PHF21A: variants seen among roughly 807,000 people sequenced by gnomAD.
PHF21A encodes the protein BHC80a.
Under a neutral mutation model 82.5 loss-of-function variants are expected in PHF21A, and 11 were observed. That is an observed-to-expected ratio of 0.13 (90% confidence interval 0.08 to 0.22). The LOEUF is 0.22. Ranked by LOEUF, PHF21A falls within the 10% of genes least tolerant of loss-of-function variation. PHF21A has a pLI of 1.00. For missense variants in PHF21A, 579 were observed against 837.8 expected, an observed-to-expected ratio of 0.69 and a Z score of 3.81; for synonymous variants, 297 against 302.8, an observed-to-expected ratio of 0.98 and a Z score of 0.20.
chr11:45,985,806 G>A (rs1381917107), intron 6 of PHF21A, among the ~76,000 whole-genome samples: 1 of 151,982 alleles, frequency 6.6e-6, no homozygotes, highest in Non-Finnish European at 1.5e-5. Flanking sequence ...ACAGTGAACT[G>A]GACACAATGT....
intron 9 of PHF21A, among the ~76,000 whole-genome samples, chr11:45,967,620 C>T (rs1183218407): frequency 6.6e-6 from 1 of 152,204 alleles, no homozygotes; most frequent in Non-Finnish European, 1.5e-5. Context: ...TATCCTTGGA[C>T]AGCTGTAGGG....
chr11:46,022,175 G>A (rs1023325538), intron 6 of PHF21A, among the ~76,000 whole-genome samples: 49 of 152,256 alleles, frequency 3.2e-4, no homozygotes, highest in African/African-American at 1.2e-3. Flanking sequence ...GACAGGAGCT[G>A]GTTGTGGTGG....
chr11:46,010,734 T>C (rs563814506), intron 6 of PHF21A, among the ~76,000 whole-genome samples: 1 of 152,300 alleles, frequency 6.6e-6, no homozygotes, highest in South Asian at 2.1e-4. Flanking sequence ...GAAAAAGATA[T>C]ATGTATTTCT....
chr11:45,950,356 G>A (rs1489936958), intron 11 of PHF21A, 99 bp from the exon 12 acceptor site: 5 of 936,112 alleles, frequency 5.3e-6, no homozygotes, highest in Non-Finnish European at 8.4e-6. Context: ...CAGCCCAATG[G>A]GCGGGTCTCA....
intron 10 of PHF21A, among the ~76,000 whole-genome samples, chr11:45,955,309 C>T (rs2092550565): frequency 6.8e-6 from 1 of 146,524 alleles, no homozygotes; most frequent in Non-Finnish European, 1.5e-5. Context: ...CACACACACA[C>T]TTTTTAATCA....
chr11:45,994,491 C>T (rs990466423), intron 6 of PHF21A, among the ~76,000 whole-genome samples: 3 of 152,188 alleles, frequency 2.0e-5, no homozygotes, highest in African/African-American at 4.8e-5. Flanking sequence ...CCCTCCTCCA[C>T]GTATCAGGCA....
At chr11:46,117,392 T>C (rs113121420) in intron 1 of PHF21A, 97 of 152,346 alleles carry the variant, frequency 6.4e-4, no homozygotes, top group African/African-American at 2.0e-3. Context: ...TATTCATCTT[T>C]ATGCAGTTAC....
intron 6 of PHF21A, among the ~76,000 whole-genome samples, chr11:46,025,825 G>GATATGTGATGGAGCAAGT (rs1466781519): frequency 6.6e-6 from 1 of 152,198 alleles, no homozygotes; most frequent in Non-Finnish European, 1.5e-5. Flanking sequence ...GTCATCGGCA[G>GATATGTGATGGAGCAAGT]ATATGTGATG....
intron 6 of PHF21A, among the ~76,000 whole-genome samples, chr11:46,036,706 G>A (rs971763879): frequency 2.6e-5 from 4 of 152,088 alleles, no homozygotes; most frequent in African/African-American, 7.2e-5. Flanking sequence ...ACAGAGTACT[G>A]CTGACATAAA....
At chr11:46,069,484 T>A (rs948854339) in intron 6 of PHF21A, among the ~76,000 whole-genome samples, 127 of 152,274 alleles carry the variant, frequency 8.3e-4, no homozygotes, top group Middle Eastern at 3.4e-3. Context: ...AGGGTAACAT[T>A]TTACAGTAAC....
Position 45,971,300 on chromosome 11 carries a change from G to C in PHF21A, c.428C>G (p.Ala143Gly). ...GCCCACCACAGAGGCAGGCATGGTC[G>C]CAGTTGCTGCTTTCAAGACGAGAGG... ...TLPLVLKAATATMPASVVGQR... is the reference protein window; with the variant it reads ...TLPLVLKAATGTMPASVVGQR... Residue 143 changes from alanine (A) to glycine (G), a missense_variant, in exon 8 of 19, where the codon GCG becomes GGG. Around this residue, in one of 3 missense-constraint regions of PHF21A, gnomAD observed 410 missense variants for 642.1 expected, o/e 0.64. Transcript: ENST00000676320. 6.2e-7 allele frequency: 1 copy of C among 1,614,134 alleles called. No individual in the cohort carries two copies. The highest frequency in any genetic ancestry group is 8.5e-7 in the Non-Finnish European group (1 of 1,179,994).
At chr11:46,042,266 C>A (rs11827732) in intron 6 of PHF21A, among the ~76,000 whole-genome samples, 1 of 151,996 alleles carries the variant, frequency 6.6e-6, no homozygotes, top group East Asian at 1.9e-4. Context: ...CATATTTTTA[C>A]GAATACTTGA....
chr11:45,965,405 G>A lies in PHF21A; in HGVS notation c.906C>T (p.Ala302=), dbSNP rs749613839. 2 of 1,614,122 alleles carry A rather than the reference G, an allele frequency of 1.2e-6. No individual in the cohort carries two copies. The highest frequency in any genetic ancestry group is 3.3e-5 in the Admixed American group (2 of 60,024). Residue 302 remains alanine (A), a synonymous_variant, in exon 10 of 19, where the codon GCC becomes GCT. Coordinates refer to ENST00000676320, the MANE Select transcript of PHF21A (RefSeq NM_001352027.3). ...TAGCTATCACAATGCTGGTGAGCTGGGCCATGGGGAACGTTTTGGCTATGG... is the reference window on the plus strand; with the variant it reads ...TAGCTATCACAATGCTGGTGAGCTGAGCCATGGGGAACGTTTTGGCTATGG... ...TATIAKTFPM[A]QLTSIVIATP...
chr11:46,069,886 C>G (rs1158563108), intron 6 of PHF21A, among the ~76,000 whole-genome samples: 1 of 152,178 alleles, frequency 6.6e-6, no homozygotes, highest in African/African-American at 2.4e-5. Flanking sequence ...ACCACCATGA[C>G]TACAGCCAAC....
At chr11:46,002,771 C>A (rs1043091741) in intron 6 of PHF21A, among the ~76,000 whole-genome samples, 2 of 152,172 alleles carry the variant, frequency 1.3e-5, no homozygotes, top group African/African-American at 4.8e-5. Context: ...CCTCAAACCC[C>A]TCCACAGAAC....
rs1344565128 is a variant in PHF21A, at chr11:45,931,241, G to A, written c.*2727C>T. 6.6e-6 allele frequency: 1 copy of A among 151,452 alleles called. No individual in the cohort carries two copies. Among genetic ancestry groups the A allele is most frequent in the Non-Finnish European group, 1.5e-5 (1 of 67,966 alleles). 9.4% of individuals were successfully genotyped at this position (151,452 alleles called of 1,614,324 possible). On this transcript the variant is annotated 3_prime_UTR_variant, in exon 19 of 19. Transcript: ENST00000676320. The stretch of plus-strand genomic sequence containing the variant: ...CTGAGCAAAGGCCTCTAGTGATGAT[G>A]GTTTCCCAACTTCTTTCAGGAAAAG...
chr11:46,084,233 C>T lies in PHF21A; in HGVS notation c.-14G>A. ...CTGCAACTCCATCCTCTACCTTCTC[C>T]ACTTTCTCTGCTAATTCTATAGTTT... is the stretch of plus-strand genomic sequence containing the variant. On this transcript the variant is annotated 5_prime_UTR_variant, in exon 4 of 19. Coordinates refer to ENST00000676320, the MANE Select transcript of PHF21A (RefSeq NM_001352027.3). 6.3e-7 allele frequency: 1 copy of T among 1,591,826 alleles called. No homozygotes were observed. Among genetic ancestry groups the T allele is most frequent in the South Asian group, 1.1e-5 (1 of 87,020 alleles).
In PHF21A at chr11:45,933,892, C is replaced by T; in HGVS notation, c.*76G>A. ...AATTCTGCACTTTCCAGAAATCCGGCTTTGCTTTTCTAGAGTCTTCAGTGT... is the reference window on the plus strand; with the variant it reads ...AATTCTGCACTTTCCAGAAATCCGGTTTTGCTTTTCTAGAGTCTTCAGTGT... On this transcript the variant is annotated 3_prime_UTR_variant, in exon 19 of 19. Transcript: ENST00000676320. 3 of 1,359,882 alleles carry T rather than the reference C, an allele frequency of 2.2e-6. No individual in the cohort carries two copies. The highest frequency in any genetic ancestry group is 3.0e-6 in the Non-Finnish European group (3 of 1,014,852). 84.2% of individuals were successfully genotyped at this position (1,359,882 alleles called of 1,614,324 possible). A position where few individuals can be genotyped will look rare whatever the true frequency, so the allele number is the denominator to read the frequency against.
chr11:45,951,972 A>G (rs1266423720), intron 11 of PHF21A, among the ~76,000 whole-genome samples: 1 of 151,752 alleles, frequency 6.6e-6, no homozygotes, highest in African/African-American at 2.4e-5. Context: ...GCATCCAGCT[A>G]ATTTTTGTAT....
Sources: allele counts gnomAD v4.1 joint callset (sites outside exome capture counted in the v4.1 genomes callset), GRCh38; gene constraint gnomAD v4.1.1; regional missense constraint gnomAD v4.1.1; transcripts MANE v1.5; gene names NCBI Gene and HGNC (gene_info 2026-07-23, HGNC 2026-07-21).